Variants in PCBD2 observed in about 807,000 individuals in gnomAD.
PCBD2 encodes the protein pterin-4 alpha-carbinolamine dehydratase 2, also known as pterin-4-alpha-carbinolamine dehydratase 2.
A neutral mutation model predicts 16.4 loss-of-function variants in PCBD2; 12 were observed. That is an observed-to-expected ratio of 0.73 (90% confidence interval 0.47 to 1.19). The LOEUF is 1.19. PCBD2 is among the 50% of genes most tolerant of loss of function. PCBD2 has a pLI of 0.00. For missense variants in PCBD2, 138 were observed against 156.8 expected (o/e 0.88, Z 0.64); for synonymous variants, 58 against 61.8 (o/e 0.94, Z 0.29).
At chr5:134,935,261 T>C (rs1336874331) in intron 2 of PCBD2, among the ~76,000 whole-genome samples, 1 of 152,230 alleles carries the variant, frequency 6.6e-6, no homozygotes, top group Non-Finnish European at 1.5e-5. Flanking sequence ...AACTGTTGAC[T>C]CTGCTGCCCG....
At chr5:134,951,822 T>C (rs1247781976) in intron 2 of PCBD2, among the ~76,000 whole-genome samples, 1 of 152,196 alleles carries the variant, frequency 6.6e-6, no homozygotes, top group Non-Finnish European at 1.5e-5. Context: ...AAAATGGTGG[T>C]TGGTCTCATT....
intron 2 of PCBD2, among the ~76,000 whole-genome samples, chr5:134,920,403 G>A (rs1365801786): frequency 1.3e-5 from 2 of 152,164 alleles, no homozygotes; most frequent in South Asian, 2.1e-4. Flanking sequence ...TGTTTTAGGC[G>A]AGATCTTGTT....
chr5:134,924,804 G>GAGGA, intron 2 of PCBD2: 1 of 393,276 alleles, frequency 2.5e-6, no homozygotes, highest in Admixed American at 4.4e-5. Flanking sequence ...CCAGGTCTAG[G>GAGGA]AGGAGTAGGG....
At chr5:134,945,630 G>A (rs938488646) in intron 2 of PCBD2, among the ~76,000 whole-genome samples, 1 of 152,108 alleles carries the variant, frequency 6.6e-6, no homozygotes, top group Non-Finnish European at 1.5e-5. Flanking sequence ...TTTTGACACA[G>A]AGACTTAAAA....
intron 2 of PCBD2, among the ~76,000 whole-genome samples, chr5:134,955,975 T>C (rs1751410708): frequency 6.6e-6 from 1 of 152,242 alleles, no homozygotes; most frequent in South Asian, 2.1e-4. Flanking sequence ...TTTTCTCTCT[T>C]ATTCAGTCAT....
At chr5:134,933,505 G>A (rs1051021622) in intron 2 of PCBD2, among the ~76,000 whole-genome samples, 1 of 152,244 alleles carries the variant, frequency 6.6e-6, no homozygotes, top group African/African-American at 2.4e-5. Flanking sequence ...CAAAGTTCTG[G>A]GACTGTAGGC....
At chr5:134,918,365 C>T (rs999679474) in intron 2 of PCBD2, among the ~76,000 whole-genome samples, 35 of 152,070 alleles carry the variant, frequency 2.3e-4, no homozygotes, top group African/African-American at 6.0e-4. Flanking sequence ...ATCAGCTGGG[C>T]GTGGTAGAAG....
intron 2 of PCBD2, chr5:134,927,599 A>G (rs147348863): frequency 2.5e-6 from 1 of 396,292 alleles, no homozygotes. Flanking sequence ...GGAAGTATGT[A>G]CCTGCGTTCA....
intron 2 of PCBD2, among the ~76,000 whole-genome samples, chr5:134,931,194 C>T (rs540845566): frequency 9.9e-5 from 15 of 152,220 alleles, no homozygotes; most frequent in South Asian, 4.1e-4. Flanking sequence ...TTGGCCACCG[C>T]GCCGGCCTTC....
rs79900603 is a variant in PCBD2 at position 134,938,582 on chromosome 5, T to C, written c.217-20458T>C. ...ACTTTGGGAACACAGGATTAGAGTT[T>C]GGATTAGAGTTTGACTTAGAATGGA... On this transcript the variant is annotated intron_variant, in intron 2 of 3. Coordinates refer to ENST00000254908, the MANE Select transcript of PCBD2 (RefSeq NM_032151.5). 1.1e-3 allele frequency among the ~76,000 whole-genome samples: 172 copies of C among 152,286 alleles called. No homozygotes were observed. The East Asian group carries it at 0.03, about 26-fold the overall frequency.
At chr5:134,912,976 A>AC (rs1248591944) in intron 2 of PCBD2, among the ~76,000 whole-genome samples, 7 of 152,190 alleles carry the variant, frequency 4.6e-5, no homozygotes, top group African/African-American at 1.7e-4. Context: ...AAGTAAAAAA[A>AC]ATTTCCAATC....
chr5:134,915,263 C>T (rs544993782), intron 2 of PCBD2, among the ~76,000 whole-genome samples: 6 of 151,034 alleles, frequency 4.0e-5, no homozygotes, highest in South Asian at 2.1e-4. Context: ...TGCAGTGAGC[C>T]GAGATCACAC....
intron 2 of PCBD2, among the ~76,000 whole-genome samples, chr5:134,954,290 T>A (rs1265785051): frequency 6.6e-6 from 1 of 152,232 alleles, no homozygotes; most frequent in African/African-American, 2.4e-5. Flanking sequence ...CATTTAAGTA[T>A]ACTTATGTCT....
At chr5:134,957,373 A>G (rs1751425924) in intron 2 of PCBD2, among the ~76,000 whole-genome samples, 1 of 152,244 alleles carries the variant, frequency 6.6e-6, no homozygotes, top group Non-Finnish European at 1.5e-5. Flanking sequence ...TAACAATTGC[A>G]TTGCTGTCTA....
rs554160970 is a variant in PCBD2, at chr5:134,959,139, T to C, written c.297+19T>C. 20 of 1,560,550 alleles carry C rather than the reference T, an allele frequency of 1.3e-5. 1 individual carries two copies. Among genetic ancestry groups the C allele is most frequent in the African/African-American group, 8.1e-5 (6 of 73,652 alleles). On this transcript the variant is annotated intron_variant, in intron 3 of 3. Coordinates refer to ENST00000254908, the MANE Select transcript of PCBD2 (RefSeq NM_032151.5). The stretch of plus-strand genomic sequence containing the variant: ...CAACAAGGTAACTAAACTGCCTTAT[T>C]TGGGAATCACCTTAATTATGGAGTT...
intron 2 of PCBD2, among the ~76,000 whole-genome samples, chr5:134,915,180 T>C (rs1471458817): frequency 2.0e-5 from 3 of 151,776 alleles, no homozygotes; most frequent in African/African-American, 7.3e-5. Context: ...CCAGGCGTGG[T>C]GGCGTGCGCC....
chr5:134,918,903 A>G (rs1478018071), intron 2 of PCBD2, among the ~76,000 whole-genome samples: 2 of 152,130 alleles, frequency 1.3e-5, no homozygotes, highest in African/African-American at 2.4e-5. Flanking sequence ...TATCATTTGG[A>G]GCTTTGTTGC....
At chr5:134,938,817 G>A (rs1344751226) in intron 2 of PCBD2, among the ~76,000 whole-genome samples, 1 of 152,054 alleles carries the variant, frequency 6.6e-6, no homozygotes, top group Non-Finnish European at 1.5e-5. Context: ...CATTTGTTTT[G>A]ACGTAACCAA....
At chr5:134,936,242 C>T (rs1382349577) in intron 2 of PCBD2, among the ~76,000 whole-genome samples, 1 of 152,202 alleles carries the variant, frequency 6.6e-6, no homozygotes, top group Non-Finnish European at 1.5e-5. Flanking sequence ...GCTTGCTGTG[C>T]AGGTTCCCCT....
Sources: allele counts gnomAD v4.1 joint callset (sites outside exome capture counted in the v4.1 genomes callset), GRCh38; gene constraint gnomAD v4.1.1; transcripts MANE v1.5; gene names NCBI Gene and HGNC (gene_info 2026-07-23, HGNC 2026-07-21).